Variants in TFAP2A observed in about 807,000 individuals in gnomAD.
The protein encoded by TFAP2A is transcription factor AP-2 alpha.
A neutral mutation model predicts 41.5 loss-of-function variants in TFAP2A; 7 were observed. The ratio of observed to expected loss-of-function variants is 0.17; its 90% CI spans 0.10 to 0.32. The LOEUF (loss-of-function observed/expected upper bound fraction) is 0.32, where lower values mean the gene tolerates loss of function less well. Among genes scored for constraint, TFAP2A ranks in the 10% least tolerant of loss-of-function variants. The pLI, the probability that TFAP2A is intolerant of heterozygous loss-of-function variation, is 1.00. For synonymous variants in TFAP2A, 247 were observed against 242.8 expected, an observed-to-expected ratio of 1.02 and a Z score of -0.16; for missense variants, 416 against 563.3, an observed-to-expected ratio of 0.74 and a Z score of 2.65.
Position 10,410,324 on chromosome 6 carries a change from G to C in TFAP2A, c.63C>G (p.Asp21Glu). 1 of 1,611,260 alleles carries C rather than the reference G, an allele frequency of 6.2e-7. No homozygotes were observed. Among genetic ancestry groups the C allele is most frequent in the South Asian group, 1.1e-5 (1 of 90,916 alleles). ...ACCGTGCCGTCCCGTTGCTGGTGCC[G>C]TCGTGACGGTCCTAGAAGAGAGCGA... ...IKYEDCEDRH[D>E]GTSNGTARLP... is the part of the protein sequence containing the mutation. The change falls in exon 2 of 7, where the codon GAC becomes GAG. Residue 21 changes from aspartate (D) to glutamate (E), a missense_variant. Asp to Glu is a conservative substitution (Grantham distance 45). Transcript: ENST00000379613.
At chr6:10,412,687 G>T in intron 1 of TFAP2A, 1 of 346,960 alleles carries the variant, frequency 2.9e-6, no homozygotes, top group South Asian at 2.0e-5. Context: ...GGCGCGGCAG[G>T]CGCTTCCCGG....
In TFAP2A at chr6:10,398,513, G is replaced by A; in HGVS notation, c.1224C>T (p.Leu408=). The part of the protein sequence containing the change: ...TALQNYLTEA[L]KAMDKMYLSN... ...TGAGGTACATTTTGTCCATGGCCTTGAGGGCCTCGGTGAGATAGTTCTGCA... is the reference window on the plus strand; with the variant it reads ...TGAGGTACATTTTGTCCATGGCCTTAAGGGCCTCGGTGAGATAGTTCTGCA... Residue 408 remains leucine (L), a synonymous_variant, in exon 7 of 7, where the codon CTC becomes CTT. Coordinates refer to ENST00000379613, the MANE Select transcript of TFAP2A (RefSeq NM_001372066.1). The surrounding 1 kb of genome is among the most constrained non-coding windows in gnomAD (Gnocchi z 5.3). The A allele has an allele frequency of 6.2e-7, 1 of 1,614,258 alleles. No homozygotes were observed.
chr6:10,410,020 G>A lies in TFAP2A; in HGVS notation c.367C>T (p.Leu123=), dbSNP rs1757885976. 2 of 1,612,650 alleles carry A rather than the reference G, an allele frequency of 1.2e-6. No homozygotes were observed. The highest frequency in any genetic ancestry group is 1.7e-6 in the Non-Finnish European group (2 of 1,179,562). ...HRGLPHQLSG[L]DPRRDYRRHE... ...CGCCTGTAGTCCCTGCGAGGATCCA[G>A]GCCCGACAGCTGGTGAGGCAGCCCC... Residue 123 remains leucine (L), a synonymous_variant, in exon 2 of 7, where the codon CTG becomes TTG. Transcript: ENST00000379613.
chr6:10,414,090 G>T (rs1472177623), intron 1 of TFAP2A, among the ~76,000 whole-genome samples: 17 of 152,236 alleles, frequency 1.1e-4, no homozygotes, highest in Admixed American at 1.1e-3. Flanking sequence ...TTCCAAAGCG[G>T]CGCGCTCTGT....
rs565071190 is a variant in TFAP2A, at chr6:10,404,709, T to C, written c.569A>G (p.Asn190Ser). ...GTTAATAGGGATGGCGGAGACGGCATTGCTGTTGGACTTGGACAGGGACAC... is the reference window on the plus strand; with the variant it reads ...GTTAATAGGGATGGCGGAGACGGCACTGCTGTTGGACTTGGACAGGGACAC... ...GPVSLSKSNS[N>S]AVSAIPINKD... The change falls in exon 4 of 7, where the codon AAT becomes AGT. Residue 190 changes from asparagine (N) to serine (S), a missense_variant. Asn to Ser is a conservative substitution (Grantham distance 46). Transcript: ENST00000379613. The C allele has an allele frequency of 5.6e-6, 9 of 1,614,152 alleles. No homozygotes were observed. Among genetic ancestry groups the C allele is most frequent in the African/African-American group, 5.3e-5 (4 of 75,038 alleles).
chr6:10,402,639 A>G (rs1052247963), intron 4 of TFAP2A, 29 bp from the exon 5 acceptor site: 3 of 1,529,502 alleles, frequency 2.0e-6, no homozygotes, highest in Admixed American at 1.7e-5. Flanking sequence ...CGAGAAAGGG[A>G]TTTAGAAAAC....
In TFAP2A at chr6:10,398,736, A is replaced by G. The variant is rs770657037; in HGVS notation, c.1032-31T>C. 8 of 1,612,272 alleles carry G rather than the reference A, an allele frequency of 5.0e-6. No individual in the cohort carries two copies. In the Admixed American group the frequency reaches 5.0e-5, roughly 10 times the overall value. On this transcript the variant is annotated intron_variant, in intron 6 of 6. Transcript: ENST00000379613. The surrounding 1 kb of genome is among the most constrained non-coding windows in gnomAD (Gnocchi z 5.3). Reference sequence around the variant, plus strand: ...GCACAAGTGGAGCAGAGAGAGAGACATAAGGCTCCACTATGGGCAGCACTA... The same window carrying G: ...GCACAAGTGGAGCAGAGAGAGAGACGTAAGGCTCCACTATGGGCAGCACTA...
chr6:10,408,044 G>A, intron 2 of TFAP2A: 1 of 152,256 alleles, frequency 6.6e-6, no homozygotes, highest in Admixed American at 6.5e-5. Context: ...TTTTATTTGT[G>A]TTATTTCTAG....
chr6:10,405,172 T>A (rs1298691871), intron 3 of TFAP2A: 1 of 167,204 alleles, frequency 6.0e-6, no homozygotes, highest in Non-Finnish European at 1.3e-5. Context: ...TTCAGGGGTT[T>A]TGCTGGGTGG....
At chr6:10,409,457 G>C (rs1026971903) in intron 2 of TFAP2A, 1 of 189,324 alleles carries the variant, frequency 5.3e-6, no homozygotes, top group African/African-American at 2.4e-5. Flanking sequence ...AATGATCTTA[G>C]TGTGTCTTTT....
chr6:10,417,236 C>T (rs909847065), upstream of TFAP2A: 1 of 152,464 alleles, frequency 6.6e-6, no homozygotes, highest in Non-Finnish European at 1.5e-5. Flanking sequence ...GCCCTCCATC[C>T]TCTGCCACCC....
chr6:10,404,712 C>T lies in TFAP2A; in HGVS notation c.566G>A (p.Ser189Asn), dbSNP rs1167211530. 2 of 1,614,170 alleles carry T rather than the reference C, an allele frequency of 1.2e-6. No individual in the cohort carries two copies. Among genetic ancestry groups the T allele is most frequent in the Non-Finnish European group, 1.7e-6 (2 of 1,180,010 alleles). ...KGPVSLSKSN[S>N]NAVSAIPINK... is the part of the protein sequence containing the mutation. ...AATAGGGATGGCGGAGACGGCATTG[C>T]TGTTGGACTTGGACAGGGACACGGG... The change falls in exon 4 of 7, where the codon AGC becomes AAC. Residue 189 changes from serine to asparagine, a missense_variant. Physicochemically the swap from Ser to Asn is conservative, Grantham distance 46 (BLOSUM62 1). Transcript: ENST00000379613.
intron 1 of TFAP2A, chr6:10,411,627 T>TG: frequency 6.2e-7 from 1 of 1,612,950 alleles, no homozygotes; most frequent in Non-Finnish European, 8.5e-7. Flanking sequence ...CGAGTCAGGG[T>TG]GGAAAAAAAC....
At chr6:10,416,600 T>TAAGG (rs1036546703), upstream of TFAP2A, among the ~76,000 whole-genome samples, 8 of 152,212 alleles carry the variant, frequency 5.3e-5, no homozygotes, top group African/African-American at 1.9e-4. Flanking sequence ...GTTGCTCTAG[T>TAAGG]AAGGACCTTT....
chr6:10,414,656 T>C, intron 1 of TFAP2A: 1 of 573,774 alleles, frequency 1.7e-6, no homozygotes, highest in Admixed American at 2.9e-5. Flanking sequence ...CAAAAGCCCA[T>C]GTTCTTCTTT....
intron 1 of TFAP2A, chr6:10,411,933 C>T (rs1006612070): frequency 8.6e-7 from 1 of 1,157,926 alleles, no homozygotes; most frequent in African/African-American, 1.6e-5. Flanking sequence ...CGTGCGTGTT[C>T]CTTAATCCGT....
chr6:10,414,374 A>G (rs1057044182), intron 1 of TFAP2A, among the ~76,000 whole-genome samples: 2 of 152,164 alleles, frequency 1.3e-5, no homozygotes, highest in African/African-American at 4.8e-5. Context: ...CGCTTACAGG[A>G]AGATGCAGCC....
chr6:10,412,850 T>G lies in TFAP2A; in HGVS notation c.51+2091A>C, dbSNP rs148848645. On this transcript the variant is annotated intron_variant, in intron 1 of 6. Coordinates refer to ENST00000379613, the MANE Select transcript of TFAP2A (RefSeq NM_001372066.1). ...CCTCTCCTCGGCCTCCTCTTGAGCT[T>G]TCCTCGGACAGGGGCACCGTGCGCT... The G allele has an allele frequency of 8.5e-3, 1,354 of 158,684 alleles. 7 individuals are homozygous for G. Among genetic ancestry groups the G allele is most frequent in the Admixed American group, 0.016 (238 of 15,324 alleles). The allele number at this position is 158,684 out of a possible 1,614,324, so 9.8% of individuals were successfully genotyped here.
At chr6:10,419,333 G>A (rs1031030116), upstream of TFAP2A, 4 of 1,523,092 alleles carry the variant, frequency 2.6e-6, no homozygotes, top group African/African-American at 2.7e-5. Flanking sequence ...GGGCCACGGC[G>A]CTTCCTCTCC....
Sources: gnomAD v4.1 joint callset for allele counts (sites outside exome capture counted in the v4.1 genomes callset) on GRCh38, gnomAD v4.1.1 for gene constraint, Gnocchi (gnomAD v3.1) non-coding constraint, MANE v1.5 for transcripts, NCBI Gene and HGNC (gene_info 2026-07-23, HGNC 2026-07-21) for gene names.